The following APAF1 variants were observed in gnomAD, a reference collection of about 807,000 sequenced individuals.
APAF1 encodes apoptotic peptidase activating factor 1.
APAF1 carries 91 observed loss-of-function variants against 152.4 expected under a neutral mutation model. The observed-to-expected ratio is 0.60, with a 90% CI of 0.50 to 0.71. APAF1 has a LOEUF of 0.71. Among genes scored for constraint, APAF1 ranks in the 30% least tolerant of loss-of-function variants. APAF1 has a pLI of 0.00. For missense variants in APAF1, 1,283 were observed against 1,472.0 expected, an observed-to-expected ratio of 0.87 and a Z score of 2.10; for synonymous variants, 484 against 494.1, an observed-to-expected ratio of 0.98 and a Z score of 0.27.
chr12:98,710,179 G>GTTTTTTTTTTT (rs71443529), intron 20 of APAF1, among the ~76,000 whole-genome samples: 55 of 127,704 alleles, frequency 4.3e-4, no homozygotes, highest in African/African-American at 7.2e-4. Flanking sequence ...CGGCCTAAGG[G>GTTTTTTTTTTT]TTTTTTTTTT....
At chr12:98,664,316 C>T (rs1289130330) in intron 7 of APAF1, among the ~76,000 whole-genome samples, 1 of 151,960 alleles carries the variant, frequency 6.6e-6, no homozygotes, top group African/African-American at 2.4e-5. Context: ...CACACGTGGC[C>T]AGTTTTGTTA....
At chr12:98,651,272 A>G (rs1444912946) in intron 4 of APAF1, among the ~76,000 whole-genome samples, 2 of 152,082 alleles carry the variant, frequency 1.3e-5, no homozygotes, top group African/African-American at 2.4e-5. Context: ...AAAATTTCCT[A>G]TTCTTATTTC....
chr12:98,715,235 CA>C lies in APAF1; in HGVS notation c.2959-191del, dbSNP rs2097732897. The stretch of plus-strand genomic sequence containing the variant: ...TTTGCATGTAGGCATACATGGTGTG[CA>C]TATATATATATATATATATATATAT... On this transcript the variant is annotated intron_variant, in intron 21 of 26. Transcript: ENST00000551964. 7.3e-5 allele frequency among the ~76,000 whole-genome samples: 4 copies of C among 54,792 alleles called. No homozygotes were observed. The East Asian group carries it at 1.7e-3, about 24-fold the overall frequency. 35.9% of individuals were successfully genotyped at this position (54,792 alleles called of 152,430 possible). A position where few individuals can be genotyped will look rare whatever the true frequency, so the allele number is the denominator to read the frequency against.
intron 14 of APAF1, among the ~76,000 whole-genome samples, chr12:98,680,788 G>A (rs2153323999): frequency 6.6e-6 from 1 of 152,278 alleles, no homozygotes; most frequent in South Asian, 2.1e-4. Context: ...AAGCAGTGGG[G>A]AAAAGCAATG....
intron 1 of APAF1, 76 bp from the exon 2 acceptor site, chr12:98,648,243 T>C (rs2097644467): frequency 1.5e-6 from 2 of 1,343,834 alleles, no homozygotes; most frequent in Non-Finnish European, 2.1e-6. Flanking sequence ...TTTTTACGTT[T>C]CTTGTTTATT....
rs138638140 is a variant in APAF1, at chr12:98,652,361, C to T, written c.526+2677C>T. 2.1e-3 allele frequency among the ~76,000 whole-genome samples: 322 copies of T among 152,252 alleles called. 1 individual carries two copies. The highest frequency in any genetic ancestry group is 6.2e-3 in the African/African-American group (257 of 41,556). On this transcript the variant is annotated intron_variant, in intron 4 of 26. Coordinates refer to ENST00000551964, the MANE Select transcript of APAF1 (RefSeq NM_181861.2). ...TCCGATAATTCTACTTGTGCAGTGA[C>T]GGTTGGTATGATCCAGCTTTGTAAT...
At chr12:98,713,648 G>A (rs1258806440) in intron 21 of APAF1, among the ~76,000 whole-genome samples, 1 of 152,186 alleles carries the variant, frequency 6.6e-6, no homozygotes, top group Non-Finnish European at 1.5e-5. Context: ...CATCCCAAAA[G>A]CACATTTTCT....
intron 4 of APAF1, among the ~76,000 whole-genome samples, chr12:98,652,274 A>G (rs2097649915): frequency 2.0e-5 from 3 of 152,210 alleles, no homozygotes; most frequent in African/African-American, 7.2e-5. Context: ...ATGATAGGAT[A>G]TACAAATACC....
intron 17 of APAF1, 122 bp from the exon 18 acceptor site, chr12:98,703,249 T>C: frequency 9.6e-7 from 1 of 1,040,920 alleles, no homozygotes; most frequent in African/African-American, 1.6e-5. Context: ...TGTCAATAAT[T>C]ATGCCAGTTA....
chr12:98,735,211 G>A lies in APAF1; in HGVS notation c.*2645G>A, dbSNP rs116289685. 172 of 399,020 alleles carry A rather than the reference G, an allele frequency of 4.3e-4. No homozygotes were observed. The highest frequency in any genetic ancestry group is 3.4e-3 in the African/African-American group (164 of 48,746). The allele number at this position is 399,020 out of a possible 1,614,324, so 24.7% of individuals were successfully genotyped here. On this transcript the variant is annotated 3_prime_UTR_variant, in exon 27 of 27. Transcript: ENST00000551964. ...GGATTTTGTTTTGTAGTTTGCAGAT[G>A]AGCATTTCTAAAGCATTTTCCCTTG...
At chr12:98,703,073 C>T (rs2097717397) in intron 17 of APAF1, among the ~76,000 whole-genome samples, 1 of 152,126 alleles carries the variant, frequency 6.6e-6, no homozygotes, top group South Asian at 2.1e-4. Flanking sequence ...GAGAACTACT[C>T]TGTATGTTAA....
intron 1 of APAF1, among the ~76,000 whole-genome samples, chr12:98,647,165 C>T (rs1416389389): frequency 6.6e-6 from 1 of 151,442 alleles, no homozygotes; most frequent in Non-Finnish European, 1.5e-5. Flanking sequence ...AGTGTAATCC[C>T]AGCACTTTCG....
Position 98,699,440 on chromosome 12 carries a change from A to G in APAF1, c.2337A>G (p.Lys779=). 6.2e-7 allele frequency: 1 copy of G among 1,614,142 alleles called. No individual in the cohort carries two copies. Among genetic ancestry groups the G allele is most frequent in the South Asian group, 1.1e-5 (1 of 91,076 alleles). ...ATGCGACATCAGCAAATGAGAGGAA[A>G]AGCATTAATGTGAAACAGTTCTTCC... ...LWDATSANER[K]SINVKQFFLN... The change falls in exon 17 of 27, where the codon AAA becomes AAG. Residue 779 remains lysine (K), a synonymous_variant. Coordinates refer to ENST00000551964, the MANE Select transcript of APAF1 (RefSeq NM_181861.2).
At chr12:98,678,156 CTTTATTACTAA>C (rs1218104874) in intron 13 of APAF1, among the ~76,000 whole-genome samples, 1 of 152,304 alleles carries the variant, frequency 6.6e-6, no homozygotes, top group East Asian at 1.9e-4. Context: ...TATATGTGTA[CTTTATTACTAA>C]TTTTATTAAT....
chr12:98,693,809 C>T (rs4341587), intron 16 of APAF1, among the ~76,000 whole-genome samples: 11,483 of 100,846 alleles, frequency 0.11, 464 homozygotes, highest in East Asian at 0.29. Context: ...TTTTTTTTTT[C>T]GTCTTCTTTC....
At chr12:98,667,709 G>C in intron 10 of APAF1, 65 bp downstream of exon 10, 1 of 1,476,230 alleles carries the variant, frequency 6.8e-7, no homozygotes, top group Non-Finnish European at 9.2e-7. Flanking sequence ...TTACAAATAA[G>C]TGCTTTTTTT....
Position 98,665,618 on chromosome 12 carries a change from T to A in APAF1, c.1021T>A (p.Tyr341Asn). 1 of 1,614,026 alleles carries A rather than the reference T, an allele frequency of 6.2e-7. No individual in the cohort carries two copies. The highest frequency in any genetic ancestry group is 8.5e-7 in the Non-Finnish European group (1 of 1,179,966). The change falls in exon 8 of 27, where the codon TAC (tyrosine) becomes AAC (asparagine). Residue 341 changes from tyrosine to asparagine, a missense_variant. Physicochemically the swap from Tyr to Asn is moderately radical, Grantham distance 143 (BLOSUM62 -2). Coordinates refer to ENST00000551964, the MANE Select transcript of APAF1 (RefSeq NM_181861.2). ...TGATTTTCCCAATCGCTGGGAGTAC[T>A]ACCTCAAACAGCTTCAGAATAAGCA... ...LRDFPNRWEY[Y>N]LKQLQNKQFK...
intron 16 of APAF1, among the ~76,000 whole-genome samples, chr12:98,699,151 C>T (rs924469508): frequency 2.0e-5 from 3 of 152,196 alleles, no homozygotes; most frequent in African/African-American, 4.8e-5. Flanking sequence ...TTAGCTTCCA[C>T]ACCATGCAAG....
rs2097764445 is a variant in APAF1, at chr12:98,732,973, AACCACACTT to A, written c.*411_*419del. 2 of 206,558 alleles carry A rather than the reference AACCACACTT, an allele frequency of 9.7e-6. No individual in the cohort carries two copies. The highest frequency in any genetic ancestry group is 1.6e-4 in the South Asian group (2 of 12,330). 12.8% of individuals were successfully genotyped at this position (206,558 alleles called of 1,614,324 possible). ...CAGGGTAGCAGTGGCCTGCTTTTTG[AACCACACTT>A]ACCCCAAGGGGGTTTTGTTCTCCTA... is the stretch of plus-strand genomic sequence containing the variant. On this transcript the variant is annotated 3_prime_UTR_variant, in exon 27 of 27. Coordinates refer to ENST00000551964, the MANE Select transcript of APAF1 (RefSeq NM_181861.2).
Sources: gnomAD v4.1 joint callset for allele counts (sites outside exome capture counted in the v4.1 genomes callset) on GRCh38, gnomAD v4.1.1 for gene constraint, MANE v1.5 for transcripts, NCBI Gene and HGNC (gene_info 2026-07-23, HGNC 2026-07-21) for gene names.